The following LRP1B variants were observed in gnomAD, a reference collection of about 807,000 sequenced individuals.
LRP1B encodes the protein low-density lipoprotein receptor-related protein 1B.
A neutral mutation model predicts 556.6 loss-of-function variants in LRP1B; 217 were observed. The observed-to-expected ratio is 0.39, with a 90% confidence interval of 0.35 to 0.44. The LOEUF is 0.44. Among genes scored for constraint, LRP1B ranks in the 20% least tolerant of loss-of-function variants. The pLI, the probability that LRP1B is intolerant of heterozygous loss-of-function variation, is 1.00. For missense variants in LRP1B, 5,053 were observed against 5,620.8 expected (o/e 0.90, Z 3.23); for synonymous variants, 2,047 against 1,865.8 (o/e 1.10, Z -2.50).
intron 68 of LRP1B, 64 bp downstream of exon 68, chr2:140,378,113 GAAT>G (rs1285952059): frequency 1.6e-5 from 17 of 1,079,426 alleles, no homozygotes; most frequent in Admixed American, 3.9e-5. Flanking sequence ...TTATTGGACT[GAAT>G]AATAATAATT....
chr2:141,144,383 G>C (rs1395951582), intron 7 of LRP1B, among the ~76,000 whole-genome samples: 1 of 152,152 alleles, frequency 6.6e-6, no homozygotes, highest in Non-Finnish European at 1.5e-5. Context: ...GATGTGAAAT[G>C]AAACTGACAT....
At chr2:141,441,032 T>C (rs1296926691) in intron 3 of LRP1B, among the ~76,000 whole-genome samples, 2 of 149,016 alleles carry the variant, frequency 1.3e-5, no homozygotes, top group Non-Finnish European at 3.0e-5. Flanking sequence ...AAAATGTCAA[T>C]AGTGTGAGGC....
intron 15 of LRP1B, among the ~76,000 whole-genome samples, chr2:141,000,579 C>G (rs566791263): frequency 6.6e-6 from 1 of 151,904 alleles, no homozygotes; most frequent in Non-Finnish European, 1.5e-5. Context: ...AGTGTATACC[C>G]CAGTGAGCCT....
chr2:141,256,867 T>C (rs1684483721), intron 3 of LRP1B, among the ~76,000 whole-genome samples: 1 of 151,960 alleles, frequency 6.6e-6, no homozygotes. Flanking sequence ...AAGTCGGTCA[T>C]TGAAACCTAA....
In LRP1B at chr2:141,267,661, A is replaced by T. The variant is rs1477466072; in HGVS notation, c.344-13020T>A. Among the ~76,000 whole-genome samples, 4 of 152,290 alleles carry T rather than the reference A, an allele frequency of 2.6e-5. No homozygotes were observed. In the East Asian group the frequency reaches 5.8e-4, roughly 22 times the overall value. ...AGAGAGAAACTATGCGTGAGGAAAA[A>T]ATGCAACCAAATTTACCAGAGGGAC... On this transcript the variant is annotated intron_variant, in intron 3 of 90. Coordinates refer to ENST00000389484, the MANE Select transcript of LRP1B (RefSeq NM_018557.3).
intron 7 of LRP1B, among the ~76,000 whole-genome samples, chr2:141,118,454 A>G (rs1700961103): frequency 6.6e-6 from 1 of 151,948 alleles, no homozygotes; most frequent in Non-Finnish European, 1.5e-5. Context: ...ATTTCTAATA[A>G]TTGGTCAAGA....
chr2:140,957,123 T>C (rs866807528), intron 18 of LRP1B, among the ~76,000 whole-genome samples: 3 of 151,730 alleles, frequency 2.0e-5, no homozygotes, highest in African/African-American at 7.2e-5. Flanking sequence ...TGTTATTTTA[T>C]AGGCAATGTA....
At chr2:140,954,079 T>C (rs1177762691) in intron 18 of LRP1B, among the ~76,000 whole-genome samples, 1 of 152,214 alleles carries the variant, frequency 6.6e-6, no homozygotes, top group Non-Finnish European at 1.5e-5. Flanking sequence ...TCTAAATATT[T>C]CCACTATTTT....
intron 41 of LRP1B, among the ~76,000 whole-genome samples, chr2:140,638,720 T>C (rs886093062): frequency 2.6e-5 from 4 of 152,018 alleles, no homozygotes; most frequent in African/African-American, 9.7e-5. Flanking sequence ...CTACAAGGCA[T>C]GGGTAAATGA....
intron 49 of LRP1B, among the ~76,000 whole-genome samples, chr2:140,521,859 C>A (rs1690191763): frequency 6.6e-6 from 1 of 151,832 alleles, no homozygotes; most frequent in African/African-American, 2.4e-5. Context: ...AAAAAAAGAG[C>A]AGTATTTGCT....
At chr2:140,615,742 A>C (rs1683232353) in intron 41 of LRP1B, among the ~76,000 whole-genome samples, 1 of 91,558 alleles carries the variant, frequency 1.1e-5, no homozygotes. Flanking sequence ...AAATGCCCTC[A>C]GATAAATACC....
At chr2:141,098,061 A>G (rs910941149) in intron 7 of LRP1B, among the ~76,000 whole-genome samples, 5 of 152,190 alleles carry the variant, frequency 3.3e-5, no homozygotes, top group Non-Finnish European at 5.9e-5. Context: ...ATCATAATAA[A>G]AAGTGCTTCA....
intron 1 of LRP1B, among the ~76,000 whole-genome samples, chr2:141,970,787 T>C (rs1558994714): frequency 1.3e-5 from 2 of 151,452 alleles, no homozygotes; most frequent in African/African-American, 4.8e-5. Context: ...TTCCAAAGGA[T>C]AAAGAAAGAA....
intron 7 of LRP1B, among the ~76,000 whole-genome samples, chr2:141,125,417 G>GA (rs1239639181): frequency 6.6e-6 from 1 of 152,190 alleles, no homozygotes; most frequent in East Asian, 1.9e-4. Context: ...TAGAATGTTG[G>GA]AAAAATTTTG....
intron 66 of LRP1B, among the ~76,000 whole-genome samples, chr2:140,404,821 A>C: frequency 6.6e-6 from 1 of 152,264 alleles, no homozygotes; most frequent in Middle Eastern, 3.4e-3. Context: ...AAATACTAAA[A>C]ATGAGAAAGT....
In LRP1B at chr2:140,439,982, CTT is replaced by C. The variant is rs911043579; in HGVS notation, c.10414+2520_10414+2521del. 1.8e-4 allele frequency among the ~76,000 whole-genome samples: 27 copies of C among 152,040 alleles called. 1 individual carries two copies. The highest frequency in any genetic ancestry group is 6.3e-4 in the African/African-American group (26 of 41,418). ...CATTTTTTTCATAGTGCTTCTCTCT[CTT>C]TCTCTTGCTTCTACATTGTTTTCTT... On this transcript the variant is annotated intron_variant, in intron 66 of 90. Transcript: ENST00000389484.
chr2:141,212,590 C>A (rs1489708138), intron 6 of LRP1B, among the ~76,000 whole-genome samples: 1 of 151,584 alleles, frequency 6.6e-6, no homozygotes, highest in Non-Finnish European at 1.5e-5. Flanking sequence ...GCCAAAAAGT[C>A]TAGATTCTAA....
chr2:140,658,248 C>A (rs1684960244), intron 41 of LRP1B, among the ~76,000 whole-genome samples: 1 of 151,920 alleles, frequency 6.6e-6, no homozygotes, highest in African/African-American at 2.4e-5. Flanking sequence ...AAAATATGGT[C>A]TTTTCACATT....
intron 3 of LRP1B, among the ~76,000 whole-genome samples, chr2:141,420,542 G>T (rs753035524): frequency 3.9e-5 from 6 of 152,124 alleles, no homozygotes; most frequent in Non-Finnish European, 8.8e-5. Flanking sequence ...GTCTGTGTCA[G>T]CAAGCCACTC....
Sources: allele counts gnomAD v4.1 joint callset (sites outside exome capture counted in the v4.1 genomes callset), GRCh38; gene constraint gnomAD v4.1.1; transcripts MANE v1.5; gene names NCBI Gene and HGNC (gene_info 2026-07-23, HGNC 2026-07-21).